The following SDK1 variants were observed in gnomAD, a reference collection of about 807,000 sequenced individuals.
SDK1 encodes the protein protein sidekick-1.
In SDK1, 157 loss-of-function variants were observed where a neutral mutation model predicts 245.5. That is an observed-to-expected ratio of 0.64 (90% confidence interval 0.56 to 0.73). SDK1 has a LOEUF of 0.73. Among genes scored for constraint, SDK1 ranks in the 30% least tolerant of loss-of-function variants. The pLI, the probability that SDK1 is intolerant of heterozygous loss-of-function variation, is 0.00. For synonymous variants in SDK1, 1,647 were observed against 1,278.5 expected, an observed-to-expected ratio of 1.29 and a Z score of -6.15; for missense variants, 3,583 against 3,002.3, an observed-to-expected ratio of 1.19 and a Z score of -4.52.
intron 5 of SDK1, among the ~76,000 whole-genome samples, chr7:3,853,391 G>T (rs550721777): frequency 6.6e-6 from 1 of 152,022 alleles, no homozygotes; most frequent in Non-Finnish European, 1.5e-5. Flanking sequence ...AATCTGGCCT[G>T]TGTTTTAAAA....
chr7:3,876,140 G>A (rs1006028194), intron 5 of SDK1, among the ~76,000 whole-genome samples: 13 of 152,086 alleles, frequency 8.5e-5, no homozygotes, highest in African/African-American at 2.4e-4. Flanking sequence ...CCAAATTGCC[G>A]GGGACACATC....
intron 1 of SDK1, among the ~76,000 whole-genome samples, chr7:3,611,104 G>T (rs957786290): frequency 6.6e-6 from 1 of 152,176 alleles, no homozygotes; most frequent in Non-Finnish European, 1.5e-5. Context: ...GTAGTAGAGA[G>T]AGATAAGGTA....
At chr7:4,142,372 A>G (rs1779633884) in intron 28 of SDK1, among the ~76,000 whole-genome samples, 1 of 152,110 alleles carries the variant, frequency 6.6e-6, no homozygotes, top group Admixed American at 6.5e-5. Context: ...TCTGTCACCC[A>G]GGCTGGAGTG....
intron 12 of SDK1, among the ~76,000 whole-genome samples, chr7:3,973,574 T>G (rs76363547): frequency 2.0e-5 from 3 of 149,576 alleles, no homozygotes; most frequent in African/African-American, 7.3e-5. Flanking sequence ...TGAAGGGTGA[T>G]TTTTTTTTTC....
intron 1 of SDK1, among the ~76,000 whole-genome samples, chr7:3,570,456 A>C (rs115450847): frequency 0.016 from 2,388 of 152,148 alleles, 72 homozygotes; most frequent in African/African-American, 0.055. Context: ...CAGGCTATGG[A>C]CGGGTACCCG....
At chr7:3,821,289 C>T (rs1460636959) in intron 4 of SDK1, among the ~76,000 whole-genome samples, 161 bp from the exon 5 acceptor site, 4 of 152,174 alleles carry the variant, frequency 2.6e-5, no homozygotes, top group Non-Finnish European at 5.9e-5. Flanking sequence ...CTCTCTCTGG[C>T]GTTGTCGTAT....
chr7:3,880,124 A>C (rs972914591), intron 5 of SDK1, among the ~76,000 whole-genome samples: 1 of 152,236 alleles, frequency 6.6e-6, no homozygotes, highest in Admixed American at 6.5e-5. Context: ...TGTCATTATG[A>C]AAGGGTTTTT....
At chr7:3,481,590 C>T (rs898381094) in intron 1 of SDK1, among the ~76,000 whole-genome samples, 5 of 152,164 alleles carry the variant, frequency 3.3e-5, no homozygotes, top group Admixed American at 6.5e-5. Flanking sequence ...ACCCTTGAAC[C>T]ACCCTTCCTT....
At chr7:3,548,284 A>G (rs893651998) in intron 1 of SDK1, among the ~76,000 whole-genome samples, 4 of 152,210 alleles carry the variant, frequency 2.6e-5, no homozygotes, top group Admixed American at 2.6e-4. Context: ...GGAAAAAATA[A>G]TTGTAGGAAC....
chr7:3,358,965 T>A (rs1449408082), intron 1 of SDK1, among the ~76,000 whole-genome samples: 1 of 152,238 alleles, frequency 6.6e-6, no homozygotes, highest in Admixed American at 6.5e-5. Context: ...AAGAATATCT[T>A]AATCACAGCC....
intron 4 of SDK1, among the ~76,000 whole-genome samples, chr7:3,749,401 G>C (rs937915098): frequency 2.0e-5 from 3 of 152,186 alleles, no homozygotes; most frequent in African/African-American, 7.2e-5. Flanking sequence ...CCAGGTTCAA[G>C]CAATTCCCCT....
chr7:4,137,911 T>C (rs1481544944), intron 28 of SDK1, among the ~76,000 whole-genome samples: 1 of 152,224 alleles, frequency 6.6e-6, no homozygotes, highest in African/African-American at 2.4e-5. Context: ...CAGCTGCTCC[T>C]TTGTGCCATT....
chr7:3,730,191 G>A (rs1205418367), intron 4 of SDK1, among the ~76,000 whole-genome samples: 2 of 152,134 alleles, frequency 1.3e-5, no homozygotes, highest in Admixed American at 1.3e-4. Flanking sequence ...CACATCTGTA[G>A]CTGAAACAAA....
intron 1 of SDK1, among the ~76,000 whole-genome samples, chr7:3,504,062 A>G (rs999113727): frequency 6.6e-6 from 1 of 151,782 alleles, no homozygotes; most frequent in Admixed American, 6.6e-5. Context: ...AGGCAGGAGA[A>G]TTGCTTGAAC....
At chr7:4,140,579 A>G (rs535476597) in intron 28 of SDK1, among the ~76,000 whole-genome samples, 1 of 149,292 alleles carries the variant, frequency 6.7e-6, no homozygotes, top group Non-Finnish European at 1.5e-5. Context: ...AGCAGGGGGG[A>G]GCTGAGGCCA....
intron 1 of SDK1, among the ~76,000 whole-genome samples, chr7:3,430,580 C>T (rs1779814437): frequency 6.6e-6 from 1 of 152,196 alleles, no homozygotes; most frequent in East Asian, 1.9e-4. Context: ...TCTGAGCCTC[C>T]TGTCCTATGT....
chr7:4,178,421 GA>G, intron 34 of SDK1, 63 bp from the exon 35 acceptor site: 1 of 1,207,980 alleles, frequency 8.3e-7, no homozygotes, highest in South Asian at 1.2e-5. Context: ...TTCATAGGGG[GA>G]ACTTTGGAGA....
chr7:4,148,010 C>T (rs935289985), intron 29 of SDK1, among the ~76,000 whole-genome samples: 1 of 151,976 alleles, frequency 6.6e-6, no homozygotes, highest in Non-Finnish European at 1.5e-5. Context: ...CCTGATTATC[C>T]GGACCAGAGA....
intron 22 of SDK1, among the ~76,000 whole-genome samples, chr7:4,107,097 C>G (rs1255203645): frequency 1.6e-5 from 2 of 128,304 alleles, no homozygotes; most frequent in Non-Finnish European, 3.2e-5. Flanking sequence ...CTCAGGCAGC[C>G]GAATACACAC....
Sources: gnomAD v4.1 joint callset for allele counts (sites outside exome capture counted in the v4.1 genomes callset) on GRCh38, gnomAD v4.1.1 for gene constraint, MANE v1.5 for transcripts, NCBI Gene and HGNC (gene_info 2026-07-23, HGNC 2026-07-21) for gene names.